STARD13: variants seen among roughly 807,000 people sequenced by gnomAD.
STARD13 encodes the protein StAR related lipid transfer domain containing 13.
STARD13 carries 62 observed loss-of-function variants against 106.4 expected under a neutral mutation model. The observed-to-expected ratio is 0.58, with a 90% CI of 0.48 to 0.72. The LOEUF (loss-of-function observed/expected upper bound fraction) is 0.72, where lower values mean the gene tolerates loss of function less well. Among genes scored for constraint, STARD13 ranks in the 30% least tolerant of loss-of-function variants. The pLI, the probability that STARD13 is intolerant of heterozygous loss-of-function variation, is 0.00. For synonymous variants in STARD13, 565 were observed against 553.0 expected, an observed-to-expected ratio of 1.02 and a Z score of -0.31; for missense variants, 1,387 against 1,424.0, an observed-to-expected ratio of 0.97 and a Z score of 0.42.
chr13:33,419,700 C>A, the STARD13 span, among the ~76,000 whole-genome samples: 1 of 152,124 alleles, frequency 6.6e-6, no homozygotes, highest in Admixed American at 6.5e-5. Context: ...TTAAAAGCAG[C>A]CAGAGAGAAA....
the STARD13 span, among the ~76,000 whole-genome samples, chr13:33,415,144 G>A: frequency 1.2e-4 from 19 of 152,134 alleles, no homozygotes; most frequent in African/African-American, 2.9e-4. Flanking sequence ...CGAGGCGGGC[G>A]GATCACTAGG....
the STARD13 span, among the ~76,000 whole-genome samples, chr13:33,483,036 A>G: frequency 6.6e-6 from 1 of 152,242 alleles, no homozygotes; most frequent in Non-Finnish European, 1.5e-5. Context: ...TTTGAATTCA[A>G]TAAAACCTTC....
the STARD13 span, among the ~76,000 whole-genome samples, chr13:33,437,125 C>A: frequency 6.6e-6 from 1 of 152,188 alleles, no homozygotes; most frequent in Non-Finnish European, 1.5e-5. Context: ...CAGTGCCACA[C>A]CCTGGGCCTG....
At chr13:33,435,752 T>G in the STARD13 span, among the ~76,000 whole-genome samples, 1 of 152,168 alleles carries the variant, frequency 6.6e-6, no homozygotes, top group African/African-American at 2.4e-5. Context: ...TTTGTATTGC[T>G]AATGCCTTGC....
chr13:33,531,759 C>G, the STARD13 span, among the ~76,000 whole-genome samples: 4 of 152,134 alleles, frequency 2.6e-5, no homozygotes, highest in South Asian at 8.3e-4. Context: ...GAATGTAAGA[C>G]TACAGGACTT....
chr13:33,175,739 T>C (rs188530167), intron 1 of STARD13, among the ~76,000 whole-genome samples: 26 of 152,344 alleles, frequency 1.7e-4, no homozygotes, highest in Admixed American at 1.6e-3. Flanking sequence ...GTCAGATTTC[T>C]TAGCTTTTGA....
intron 4 of STARD13, among the ~76,000 whole-genome samples, chr13:33,133,012 T>C (rs183382589): frequency 2.6e-4 from 39 of 152,250 alleles, no homozygotes; most frequent in African/African-American, 9.1e-4. Context: ...GAGAAGTTGA[T>C]ATTAAATAAG....
At chr13:33,249,858 C>T (rs529036220) in intron 1 of STARD13, among the ~76,000 whole-genome samples, 2 of 152,114 alleles carry the variant, frequency 1.3e-5, no homozygotes, top group African/African-American at 4.8e-5. Context: ...GGCGCCATCT[C>T]GGCTCACTGC....
chr13:33,536,708 T>C, the STARD13 span, among the ~76,000 whole-genome samples: 1 of 152,228 alleles, frequency 6.6e-6, no homozygotes, highest in African/African-American at 2.4e-5. Context: ...AACACTCAAC[T>C]GTAAAACCAC....
intron 1 of STARD13, among the ~76,000 whole-genome samples, chr13:33,171,819 G>A (rs750935993): frequency 3.1e-4 from 47 of 152,322 alleles, no homozygotes; most frequent in Non-Finnish European, 5.0e-4. Context: ...ATATATCTGC[G>A]ATTCCACTTA....
the STARD13 span, among the ~76,000 whole-genome samples, chr13:33,388,265 T>G: frequency 6.6e-6 from 1 of 151,916 alleles, no homozygotes; most frequent in Non-Finnish European, 1.5e-5. Flanking sequence ...TTCTGAGAAC[T>G]AAAGGAAAAC....
chr13:33,554,353 A>G, the STARD13 span, among the ~76,000 whole-genome samples: 1 of 152,194 alleles, frequency 6.6e-6, no homozygotes, highest in Non-Finnish European at 1.5e-5. Flanking sequence ...GAAATTCTCA[A>G]TTTTGTAGCT....
chr13:33,571,966 A>G, the STARD13 span, among the ~76,000 whole-genome samples: 4 of 152,306 alleles, frequency 2.6e-5, no homozygotes, highest in East Asian at 7.7e-4. Context: ...CAATGTCCTC[A>G]GGACCTTAAG....
chr13:33,448,908 G>A, the STARD13 span, among the ~76,000 whole-genome samples: 2 of 151,838 alleles, frequency 1.3e-5, no homozygotes, highest in Non-Finnish European at 2.9e-5. Flanking sequence ...GTAAAGTCAG[G>A]CCTTTTGCCC....
the STARD13 span, among the ~76,000 whole-genome samples, chr13:33,360,103 A>T: frequency 6.6e-6 from 1 of 152,370 alleles, no homozygotes; most frequent in Admixed American, 6.5e-5. Flanking sequence ...CAGAACTCTT[A>T]GGAGTTTAAA....
chr13:33,357,059 T>C, the STARD13 span, among the ~76,000 whole-genome samples: 1 of 152,234 alleles, frequency 6.6e-6, no homozygotes, highest in South Asian at 2.1e-4. Flanking sequence ...TTGTAAATAA[T>C]AGGAAAGTTT....
the STARD13 span, among the ~76,000 whole-genome samples, chr13:33,565,702 C>T: frequency 6.8e-6 from 1 of 147,716 alleles, no homozygotes; most frequent in African/African-American, 2.5e-5. Context: ...GACGCTGCCT[C>T]CAAACAGGTA....
At chr13:33,585,028 C>T in the STARD13 span, among the ~76,000 whole-genome samples, 1 of 152,150 alleles carries the variant, frequency 6.6e-6, no homozygotes, top group Non-Finnish European at 1.5e-5. Context: ...CTCTTTTCTT[C>T]ATAATTTATA....
At chr13:33,330,035 G>A (rs962541450) in intron 1 of STARD13, among the ~76,000 whole-genome samples, 1 of 152,194 alleles carries the variant, frequency 6.6e-6, no homozygotes, top group African/African-American at 2.4e-5. Flanking sequence ...GTTCACTGCA[G>A]GACATTTAGG....
Sources: allele counts gnomAD v4.1 joint callset (sites outside exome capture counted in the v4.1 genomes callset), GRCh38; gene constraint gnomAD v4.1.1; transcripts MANE v1.5; gene names NCBI Gene and HGNC (gene_info 2026-07-23, HGNC 2026-07-21).